The following SLC25A31 variants were observed in gnomAD, a reference collection of about 807,000 sequenced individuals.
SLC25A31 encodes the protein solute carrier family 25 member 31.
A neutral mutation model predicts 36.2 loss-of-function variants in SLC25A31; 40 were observed. That is an observed-to-expected ratio of 1.10 (90% CI 0.86 to 1.44). The LOEUF (loss-of-function observed/expected upper bound fraction) is 1.44, where lower values mean the gene tolerates loss of function less well. Among genes scored for constraint, SLC25A31 ranks in the 40% most tolerant of loss-of-function variants. The pLI, the probability that SLC25A31 is intolerant of heterozygous loss-of-function variation, is 0.00. For synonymous variants in SLC25A31, 143 were observed against 149.7 expected, an observed-to-expected ratio of 0.96 and a Z score of 0.32; for missense variants, 350 against 397.1, an observed-to-expected ratio of 0.88 and a Z score of 1.01.
Position 127,764,351 on chromosome 4 carries a change from A to AT in SLC25A31, c.471dup (p.Gly158TrpfsTer5). ...TGCCCGAACCCGATTAGGTGTCGAT[A>AT]TTGGAAAAGGTATGAGATTTTTAGA... On this transcript the variant is annotated frameshift_variant, in exon 3 of 6. Coordinates refer to ENST00000281154, the MANE Select transcript of SLC25A31 (RefSeq NM_031291.4). LOFTEE classifies it high-confidence loss of function. 1 of 1,611,426 alleles carries AT rather than the reference A, an allele frequency of 6.2e-7. No individual in the cohort carries two copies. Among genetic ancestry groups the AT allele is most frequent in the Non-Finnish European group, 8.5e-7 (1 of 1,178,114 alleles).
At chr4:127,767,888 C>A (rs193203858) in intron 4 of SLC25A31, among the ~76,000 whole-genome samples, 1 of 146,292 alleles carries the variant, frequency 6.8e-6, no homozygotes, top group African/African-American at 2.8e-5. Context: ...AAAACACTAC[C>A]TGTTCCCCAA....
intron 2 of SLC25A31, among the ~76,000 whole-genome samples, chr4:127,760,976 A>G (rs1296391433): frequency 1.4e-5 from 2 of 146,220 alleles, no homozygotes; most frequent in African/African-American, 5.0e-5. Flanking sequence ...ACTTTAAATT[A>G]CTAACTTACA....
intron 2 of SLC25A31, among the ~76,000 whole-genome samples, chr4:127,751,975 T>A (rs1029922952): frequency 3.3e-5 from 5 of 152,228 alleles, no homozygotes; most frequent in Admixed American, 3.3e-4. Flanking sequence ...TTGGTGGGAC[T>A]GTAAACTAGT....
Position 127,745,809 on chromosome 4 carries a change from T to G in SLC25A31, c.360+1010T>G, listed in dbSNP as rs1731814428. Reference sequence around the variant, plus strand: ...TCTTATTTAGCTACATGAGGTTTTTTTACTTTTATTTTAGGTTTGGGGGTA... The same window carrying G: ...TCTTATTTAGCTACATGAGGTTTTTGTACTTTTATTTTAGGTTTGGGGGTA... On this transcript the variant is annotated intron_variant, in intron 2 of 5. Coordinates refer to ENST00000281154, the MANE Select transcript of SLC25A31 (RefSeq NM_031291.4). Among the ~76,000 whole-genome samples the G allele has an allele frequency of 2.6e-5, 4 of 152,144 alleles. No homozygotes were observed. In the South Asian group the frequency reaches 8.3e-4, roughly 32 times the overall value.
chr4:127,744,752 G>C lies in SLC25A31; in HGVS notation c.313G>C (p.Asp105His), dbSNP rs1453573898. 6.3e-7 allele frequency: 1 copy of C among 1,597,516 alleles called. No individual in the cohort carries two copies. The highest frequency in any genetic ancestry group is 2.2e-5 in the East Asian group (1 of 44,620). ...PTQALNFAFK[D>H]KYKQLFMSGV... ...ACAAGCTCTAAACTTTGCTTTTAAGGACAAATACAAGCAGCTATTCATGTC... is the reference window on the plus strand; with the variant it reads ...ACAAGCTCTAAACTTTGCTTTTAAGCACAAATACAAGCAGCTATTCATGTC... Residue 105 changes from aspartate (D) to histidine (H), a missense_variant, in exon 2 of 6, where the codon GAC (aspartate) becomes CAC (histidine). Transcript: ENST00000281154.
chr4:127,731,643 C>G (rs1731528756), intron 1 of SLC25A31, among the ~76,000 whole-genome samples: 1 of 152,114 alleles, frequency 6.6e-6, no homozygotes, highest in Non-Finnish European at 1.5e-5. Context: ...CCAGATCGCG[C>G]CACCGCACTC....
At chr4:127,764,151 G>T in intron 2 of SLC25A31, 92 bp from the exon 3 acceptor site, 1 of 1,086,180 alleles carries the variant, frequency 9.2e-7, no homozygotes. Flanking sequence ...TAAATCTGGT[G>T]TTTTAACATT....
chr4:127,764,985 C>T (rs1732214335), intron 3 of SLC25A31, among the ~76,000 whole-genome samples: 1 of 152,172 alleles, frequency 6.6e-6, no homozygotes, highest in South Asian at 2.1e-4. Context: ...TACCAATTTG[C>T]TTACTCCGGA....
intron 2 of SLC25A31, among the ~76,000 whole-genome samples, chr4:127,756,659 C>T (rs1000404880): frequency 1.3e-5 from 2 of 152,004 alleles, no homozygotes; most frequent in African/African-American, 2.4e-5. Flanking sequence ...AAATATAAAT[C>T]GCAATACCAC....
chr4:127,738,771 A>G (rs1435552765), intron 1 of SLC25A31, among the ~76,000 whole-genome samples: 2 of 152,306 alleles, frequency 1.3e-5, no homozygotes, highest in South Asian at 2.1e-4. Context: ...TACTTGTTTT[A>G]TAAATCTGGG....
At chr4:127,731,894 T>A (rs1731534447) in intron 1 of SLC25A31, among the ~76,000 whole-genome samples, 4 of 152,182 alleles carry the variant, frequency 2.6e-5, no homozygotes, top group Admixed American at 2.6e-4. Flanking sequence ...ATATACAAGT[T>A]TAAAATAAAG....
intron 2 of SLC25A31, among the ~76,000 whole-genome samples, chr4:127,760,144 C>T (rs573066784): frequency 1.3e-5 from 2 of 152,330 alleles, no homozygotes; most frequent in African/African-American, 4.8e-5. Flanking sequence ...TAGGCCTTAT[C>T]ATGTCCATTT....
At chr4:127,772,764 CAT>C (rs1159082488) in intron 5 of SLC25A31, among the ~76,000 whole-genome samples, 2 of 150,522 alleles carry the variant, frequency 1.3e-5, no homozygotes, top group Non-Finnish European at 3.0e-5. Context: ...AACATCCCAA[CAT>C]ATGATTTCTT....
chr4:127,763,329 A>G (rs2148763167), intron 2 of SLC25A31, among the ~76,000 whole-genome samples: 1 of 152,344 alleles, frequency 6.6e-6, no homozygotes, highest in East Asian at 1.9e-4. Flanking sequence ...GCTAGAGAAC[A>G]TTGAGAATTG....
At chr4:127,741,349 G>A (rs1044280572) in intron 1 of SLC25A31, among the ~76,000 whole-genome samples, 1 of 152,126 alleles carries the variant, frequency 6.6e-6, no homozygotes, top group Non-Finnish European at 1.5e-5. Flanking sequence ...TATGTTATCT[G>A]TGAGCTTGTC....
rs182651041 is a variant in SLC25A31, at chr4:127,755,947, C to A, written c.361-8296C>A. On this transcript the variant is annotated intron_variant, in intron 2 of 5. Coordinates refer to ENST00000281154, the MANE Select transcript of SLC25A31 (RefSeq NM_031291.4). ...ACTAGAGAGGCTGAGGCAGGAGAATCGCTTGAACCCAGGAGGTGGAGGTTG... is the reference window on the plus strand; with the variant it reads ...ACTAGAGAGGCTGAGGCAGGAGAATAGCTTGAACCCAGGAGGTGGAGGTTG... 1.3e-5 allele frequency among the ~76,000 whole-genome samples: 2 copies of A among 151,918 alleles called. 1 individual carries two copies. Among genetic ancestry groups the A allele is most frequent in the Admixed American group, 1.3e-4 (2 of 15,240 alleles).
intron 2 of SLC25A31, among the ~76,000 whole-genome samples, chr4:127,750,181 A>G (rs1027800426): frequency 2.7e-5 from 4 of 149,150 alleles, no homozygotes; most frequent in Non-Finnish European, 5.9e-5. Context: ...AGAAATGCTA[A>G]TGGGAATTCT....
chr4:127,751,136 C>A (rs1256845888), intron 2 of SLC25A31, among the ~76,000 whole-genome samples: 1 of 152,090 alleles, frequency 6.6e-6, no homozygotes, highest in East Asian at 1.9e-4. Flanking sequence ...GCCAGAAGAA[C>A]AAAGCTGGAG....
intron 3 of SLC25A31, among the ~76,000 whole-genome samples, chr4:127,764,897 G>A (rs1322499614): frequency 6.6e-6 from 1 of 152,116 alleles, no homozygotes; most frequent in Admixed American, 6.5e-5. Flanking sequence ...ATATATGAAA[G>A]TCTGAGTTTA....
Sources: allele counts gnomAD v4.1 joint callset (sites outside exome capture counted in the v4.1 genomes callset), GRCh38; gene constraint gnomAD v4.1.1; transcripts MANE v1.5; gene names NCBI Gene and HGNC (gene_info 2026-07-23, HGNC 2026-07-21).